PDE4DIP: variants seen among roughly 807,000 people sequenced by gnomAD.
PDE4DIP encodes the protein phosphodiesterase 4D interacting protein.
Under a neutral mutation model 221.4 loss-of-function variants are expected in PDE4DIP, and 59 were observed. The ratio of observed to expected loss-of-function variants is 0.27; its 90% CI spans 0.22 to 0.33. The LOEUF (loss-of-function observed/expected upper bound fraction) is 0.33, where lower values mean the gene tolerates loss of function less well. PDE4DIP is among the 10% of genes least tolerant of loss of function. The pLI is 1.00. For missense variants in PDE4DIP, 1,036 were observed against 2,154.2 expected (o/e 0.48, Z 10.28); for synonymous variants, 404 against 815.9 (o/e 0.50, Z 8.60).
In PDE4DIP at chr1:148,969,111, A is replaced by T. The variant is rs587689469; in HGVS notation, c.1980+81A>T. 1.2e-5 allele frequency: 9 copies of T among 760,990 alleles called. No individual in the cohort carries two copies. In the South Asian group the frequency reaches 1.4e-4, roughly 12 times the overall value. 47.1% of individuals were successfully genotyped at this position (760,990 alleles called of 1,614,324 possible). A position where few individuals can be genotyped will look rare whatever the true frequency, so the allele number is the denominator to read the frequency against. ...AATAGGAAGCATTTGCAGACTATAG[A>T]TGTGTGTATATTTATATATTTTACC... On this transcript the variant is annotated intron_variant, in intron 14 of 43. Transcript: ENST00000369354.
chr1:148,976,830 AAGGGAGTAG>A (rs1307336674), intron 17 of PDE4DIP, among the ~76,000 whole-genome samples: 1 of 152,000 alleles, frequency 6.6e-6, no homozygotes, highest in Admixed American at 6.6e-5. Context: ...ATTTCAGGCA[AAGGGAGTAG>A]TTGTAAAGGC....
At chr1:148,985,224 T>C (rs1366203105) in intron 21 of PDE4DIP, 2 of 152,090 alleles carry the variant, frequency 1.3e-5, no homozygotes, top group African/African-American at 4.8e-5. Flanking sequence ...GTGGAACCAT[T>C]TGTACCGTAG....
At chr1:148,827,243 T>A (rs2025472) in intron 1 of PDE4DIP, among the ~76,000 whole-genome samples, 198 of 78,846 alleles carry the variant, frequency 2.5e-3, no homozygotes, top group Non-Finnish European at 4.1e-3. Flanking sequence ...GGTGTTATAT[T>A]CTTTTTTTTT....
rs1181903028 is a variant in PDE4DIP at position 149,023,647 on chromosome 1, T to C, written c.6086-798T>C. Reference sequence around the variant, plus strand: ...GTACATGTATATGTGTGCACATATATATGTACATGTATATGTGTGCACATA... The same window carrying C: ...GTACATGTATATGTGTGCACATATACATGTACATGTATATGTGTGCACATA... On this transcript the variant is annotated intron_variant, in intron 37 of 43. Coordinates refer to ENST00000369354, the Ensembl canonical transcript of PDE4DIP. Among the ~76,000 whole-genome samples, 1,197 of 121,306 alleles carry C rather than the reference T, an allele frequency of 9.9e-3. 7 individuals are homozygous for C. Among genetic ancestry groups the C allele is most frequent in the Non-Finnish European group, 0.013 (722 of 56,456 alleles). The allele number at this position is 121,306 out of a possible 152,430, so 79.6% of individuals were successfully genotyped here.
At chr1:148,929,544 G>A (rs1553468143) in intron 2 of PDE4DIP, 1 of 382,896 alleles carries the variant, frequency 2.6e-6, no homozygotes, top group Non-Finnish European at 4.9e-6. Context: ...TTGAAACAGT[G>A]AATGTTTCCA....
At chr1:148,915,420 T>A in intron 1 of PDE4DIP, 1 of 398,040 alleles carries the variant, frequency 2.5e-6, no homozygotes, top group Non-Finnish European at 4.4e-6. Context: ...AGTGCTGGGA[T>A]TACAGGCGTG....
chr1:148,978,155 T>C (rs1574760085), intron 18 of PDE4DIP, 102 bp downstream of exon 21: 1 of 1,306,148 alleles, frequency 7.7e-7, no homozygotes, highest in African/African-American at 1.5e-5. Flanking sequence ...CCTTGGCCAG[T>C]GATTATCCAT....
intron 5 of PDE4DIP, among the ~76,000 whole-genome samples, chr1:148,940,708 G>T (rs1192053530): frequency 2.0e-5 from 3 of 150,614 alleles, no homozygotes; most frequent in Non-Finnish European, 4.4e-5. Flanking sequence ...CTGATAGTTG[G>T]TCCTCTCAAG....
Position 148,987,892 on chromosome 1 carries a change from C to T in PDE4DIP, c.2816-3993C>T, listed in dbSNP as rs1417502227. On this transcript the variant is annotated intron_variant, in intron 21 of 43. Coordinates refer to ENST00000369354, the Ensembl canonical transcript of PDE4DIP. ...GACCAACCTGGGCAACATAATGAGACCTCATCTGTAAAGCAAAATAAAACA... is the reference window on the plus strand; with the variant it reads ...GACCAACCTGGGCAACATAATGAGATCTCATCTGTAAAGCAAAATAAAACA... 3.9e-5 allele frequency among the ~76,000 whole-genome samples: 6 copies of T among 152,210 alleles called. No individual in the cohort carries two copies. The East Asian group carries it at 9.7e-4, about 25-fold the overall frequency.
At chr1:148,976,283 A>T (rs2060155916) in intron 17 of PDE4DIP, among the ~76,000 whole-genome samples, 1 of 152,170 alleles carries the variant, frequency 6.6e-6, no homozygotes, top group South Asian at 2.1e-4. Context: ...TACCATAAAG[A>T]TTGTATGGAT....
chr1:149,030,214 G>C lies in PDE4DIP; in HGVS notation c.6953-18G>C, dbSNP rs782112032. Reference sequence around the variant, plus strand: ...CTGCTGGTGGTTTCTACTCTGTGGTGCTCTTTTGTTGTTTCAGTAACCAGA... The same window carrying C: ...CTGCTGGTGGTTTCTACTCTGTGGTCCTCTTTTGTTGTTTCAGTAACCAGA... On this transcript the variant is annotated intron_variant, in intron 42 of 43. Coordinates refer to ENST00000369354, the Ensembl canonical transcript of PDE4DIP. 2.1e-6 allele frequency: 3 copies of C among 1,442,746 alleles called. No individual in the cohort carries two copies. The highest frequency in any genetic ancestry group is 2.9e-6 in the Non-Finnish European group (3 of 1,048,806). The allele number at this position is 1,442,746 out of a possible 1,614,324, so 89.4% of individuals were successfully genotyped here. A position where few individuals can be genotyped will look rare whatever the true frequency, so the allele number is the denominator to read the frequency against.
intron 1 of PDE4DIP, among the ~76,000 whole-genome samples, chr1:148,824,362 A>G (rs1462973559): frequency 5.3e-5 from 8 of 150,202 alleles, no homozygotes; most frequent in African/African-American, 2.0e-4. Flanking sequence ...CAACTGATCT[A>G]AAAGAAAGAG....
intron 1 of PDE4DIP, among the ~76,000 whole-genome samples, chr1:148,841,663 GA>G (rs66720105): frequency 1.2e-4 from 8 of 68,642 alleles, no homozygotes; most frequent in African/African-American, 2.2e-4. Context: ...AATTAAATAA[GA>G]AAAAAAATAA....
chr1:148,935,203 A>G (rs1437723395), intron 4 of PDE4DIP, among the ~76,000 whole-genome samples: 2 of 151,050 alleles, frequency 1.3e-5, no homozygotes, highest in East Asian at 3.9e-4. Flanking sequence ...ACAGAGCAAG[A>G]CTCCATCTCA....
rs1219643757 is a variant in PDE4DIP, at chr1:148,820,532, A to G, written c.233+11795A>G. On this transcript the variant is annotated intron_variant, in intron 1 of 45. Transcript: ENST00000524974. ...GCAGTGAGCCAGATCGCGCCACTGC[A>G]CTCCAGCCTGGAAACTCCATCTCAA... Among the ~76,000 whole-genome samples, 3 of 134,016 alleles carry G rather than the reference A, an allele frequency of 2.2e-5. No individual in the cohort carries two copies. In the East Asian group the frequency reaches 6.7e-4, roughly 30 times the overall value. The allele number at this position is 134,016 out of a possible 152,430, so 87.9% of individuals were successfully genotyped here.
At chr1:149,015,195 A>G (rs2070023229) in intron 32 of PDE4DIP, among the ~76,000 whole-genome samples, 3 of 151,830 alleles carry the variant, frequency 2.0e-5, no homozygotes, top group Admixed American at 6.6e-5. Context: ...TAAAACATCC[A>G]TTGTTCAAGA....
intron 5 of PDE4DIP, among the ~76,000 whole-genome samples, chr1:148,938,887 C>T (rs1251452915): frequency 1.4e-5 from 2 of 147,226 alleles, no homozygotes; most frequent in African/African-American, 2.5e-5. Context: ...CTCAGCCTCC[C>T]GAGTAGCTGG....
intron 21 of PDE4DIP, chr1:148,981,668 C>T (rs587610987): frequency 4.5e-4 from 181 of 401,112 alleles, no homozygotes; most frequent in Non-Finnish European, 6.5e-4. Context: ...TGTATTTGCA[C>T]ATTTTAAATC....
Position 148,934,540 on chromosome 1 carries a change from C to T in PDE4DIP, c.518+2252C>T, listed in dbSNP as rs2048773130. Reference sequence around the variant, plus strand: ...CCATGAGGGAATTTCATATGGAGTCCACATTCCTCCTTCTCGTCATCATTG... The same window carrying T: ...CCATGAGGGAATTTCATATGGAGTCTACATTCCTCCTTCTCGTCATCATTG... On this transcript the variant is annotated intron_variant, in intron 4 of 43. Transcript: ENST00000369354. Among the ~76,000 whole-genome samples the T allele has an allele frequency of 3.3e-5, 5 of 152,280 alleles. 1 individual carries two copies. The South Asian group carries it at 1.0e-3, about 32-fold the overall frequency.
Sources: gnomAD v4.1 joint callset for allele counts (sites outside exome capture counted in the v4.1 genomes callset) on GRCh38, gnomAD v4.1.1 for gene constraint, MANE v1.5 for transcripts, NCBI Gene and HGNC (gene_info 2026-07-23, HGNC 2026-07-21) for gene names.